PLBD1: variants seen among roughly 807,000 people sequenced by gnomAD.
PLBD1 encodes the protein phospholipase B domain containing 1.
PLBD1 carries 60 observed loss-of-function variants against 63.0 expected under a neutral mutation model. That is an observed-to-expected ratio of 0.95 (90% CI 0.77 to 1.18). The LOEUF is 1.18. Among genes scored for constraint, PLBD1 ranks in the 50% most tolerant of loss-of-function variants. PLBD1 has a pLI of 0.00. For synonymous variants in PLBD1, 262 were observed against 248.0 expected (o/e 1.06, Z -0.53); for missense variants, 598 against 677.9 (o/e 0.88, Z 1.31).
chr12:14,540,937 A>G (rs1945566708), intron 3 of PLBD1, 35 bp from the exon 4 acceptor site: 2 of 1,544,024 alleles, frequency 1.3e-6, no homozygotes, highest in Non-Finnish European at 1.8e-6. Flanking sequence ...CACAGTCTCA[A>G]TAGTTGCTCA....
intron 8 of PLBD1, among the ~76,000 whole-genome samples, chr12:14,509,371 ATC>A (rs1225861147): frequency 6.6e-6 from 1 of 151,316 alleles, no homozygotes; most frequent in Non-Finnish European, 1.5e-5. Context: ...TTTAGCAAGC[ATC>A]TCTCTCTCTT....
chr12:14,532,453 T>C (rs1485059821), intron 6 of PLBD1, among the ~76,000 whole-genome samples: 2 of 152,052 alleles, frequency 1.3e-5, no homozygotes, highest in Non-Finnish European at 2.9e-5. Flanking sequence ...GGGTAAGAGG[T>C]GGTTTTCAGT....
intron 1 of PLBD1, among the ~76,000 whole-genome samples, chr12:14,555,642 T>C (rs150254970): frequency 1.3e-5 from 2 of 152,200 alleles, no homozygotes; most frequent in Non-Finnish European, 2.9e-5. Context: ...CACACGCACA[T>C]TCGATGATCC....
intron 8 of PLBD1, among the ~76,000 whole-genome samples, chr12:14,508,653 C>T (rs1294401336): frequency 6.6e-6 from 1 of 152,076 alleles, no homozygotes; most frequent in African/African-American, 2.4e-5. Context: ...ACCTGTGGTC[C>T]CAGCTACTCG....
chr12:14,549,932 T>G lies in PLBD1; in HGVS notation c.335+3261A>C, dbSNP rs376029138. ...ATCCTCCCACCTCGGCCTCCCAAAG[T>G]GTTGGGTTTACAGGCGTGAGACACC... On this transcript the variant is annotated intron_variant, in intron 2 of 10. Coordinates refer to ENST00000240617, the MANE Select transcript of PLBD1 (RefSeq NM_024829.6). Among the ~76,000 whole-genome samples, 401 of 152,332 alleles carry G rather than the reference T, an allele frequency of 2.6e-3. 1 individual carries two copies. The highest frequency in any genetic ancestry group is 0.011 in the South Asian group (51 of 4,828).
chr12:14,506,249 G>C lies in PLBD1; in HGVS notation c.1392C>G (p.Tyr464Ter). The part of the protein sequence containing the change: ...MRYNNYKKDP[Y>*]SRGDPCNTIC... ...TGGTATTACAGGGGTCACCTCTACTGTAAGGATCCTTCTTATAATCTAGGA... is the reference window on the plus strand; with the variant it reads ...TGGTATTACAGGGGTCACCTCTACTCTAAGGATCCTTCTTATAATCTAGGA... The change falls in exon 10 of 11, where the codon TAC (tyrosine) becomes TAG (stop). Residue 464 changes from tyrosine (Y) to a stop codon, truncating the protein, a stop_gained. Coordinates refer to ENST00000240617, the MANE Select transcript of PLBD1 (RefSeq NM_024829.6). LOFTEE classifies it high-confidence loss of function. 1 of 1,610,508 alleles carries C rather than the reference G, an allele frequency of 6.2e-7. No individual in the cohort carries two copies. The highest frequency in any genetic ancestry group is 8.5e-7 in the Non-Finnish European group (1 of 1,177,464).
At chr12:14,521,254 G>T (rs7977900) in intron 6 of PLBD1, among the ~76,000 whole-genome samples, 87,899 of 151,698 alleles carry the variant, frequency 0.58, 26,071 homozygotes, top group Admixed American at 0.71. Context: ...AGCCCATGTG[G>T]TGTCCTGACG....
rs184341798 is a variant in PLBD1 at position 14,543,844 on chromosome 12, T to C, written c.336-1553A>G. On this transcript the variant is annotated intron_variant, in intron 2 of 10. Transcript: ENST00000240617. ...ACACCTTCCCTACTATTATACTTGC[T>C]AAAGTATATCCTCTAACAGTTTAAT... Among the ~76,000 whole-genome samples the C allele has an allele frequency of 3.5e-3, 540 of 152,358 alleles. 2 individuals carry two copies. The highest frequency in any genetic ancestry group is 0.012 in the African/African-American group (498 of 41,588).
At chr12:14,540,013 C>CTTATATATATATATAT in intron 4 of PLBD1, among the ~76,000 whole-genome samples, 1 of 22,778 alleles carries the variant, frequency 4.4e-5, no homozygotes, top group African/African-American at 9.8e-5. Flanking sequence ...AAGCTATGCA[C>CTTATATATATATATAT]ATATATATAT....
At chr12:14,533,681 A>C (rs1405494670) in intron 6 of PLBD1, among the ~76,000 whole-genome samples, 1 of 152,248 alleles carries the variant, frequency 6.6e-6, no homozygotes, top group Non-Finnish European at 1.5e-5. Context: ...ATGTCAGTGT[A>C]ATAGAATGTG....
chr12:14,546,504 C>T lies in PLBD1; in HGVS notation c.336-4213G>A, dbSNP rs115249862. On this transcript the variant is annotated intron_variant, in intron 2 of 10. Transcript: ENST00000240617. The stretch of plus-strand genomic sequence containing the variant: ...AGCTCCACCCAGAGTTCCAGATCCC[C>T]CACATTTTTCAGTCTATTTCAAGAT... Among the ~76,000 whole-genome samples the T allele has an allele frequency of 1.9e-3, 286 of 152,188 alleles. 1 individual carries two copies. The highest frequency in any genetic ancestry group is 6.5e-3 in the African/African-American group (269 of 41,518).
chr12:14,503,839 C>T lies in PLBD1; in HGVS notation c.1595G>A (p.Gly532Asp). Reference sequence around the variant, plus strand: ...ATCAAAGTTGTAGACCTCTGGCATGCCCTGATGTAGAGTTTTGTTGAAACG... The same window carrying T: ...ATCAAAGTTGTAGACCTCTGGCATGTCCTGATGTAGAGTTTTGTTGAAACG... ...WDRFNKTLHQ[G>D]MPEVYNFDFI... The change falls in exon 11 of 11, where the codon GGC (glycine) becomes GAC (aspartate). Residue 532 changes from glycine to aspartate, a missense_variant. Gly to Asp is a moderately conservative substitution (Grantham distance 94, BLOSUM62 -1). Transcript: ENST00000240617. 4.3e-6 allele frequency: 7 copies of T among 1,613,842 alleles called. No homozygotes were observed. The highest frequency in any genetic ancestry group is 5.9e-6 in the Non-Finnish European group (7 of 1,179,826).
intron 8 of PLBD1, among the ~76,000 whole-genome samples, chr12:14,507,329 G>C (rs1461937741): frequency 6.6e-6 from 1 of 152,170 alleles, no homozygotes; most frequent in African/African-American, 2.4e-5. Flanking sequence ...ACAGCTCTAG[G>C]TTATTTCATT....
At chr12:14,555,906 A>G (rs1335963091) in intron 1 of PLBD1, among the ~76,000 whole-genome samples, 1 of 152,172 alleles carries the variant, frequency 6.6e-6, no homozygotes, top group African/African-American at 2.4e-5. Context: ...CCCTGCTCCT[A>G]GACTAGAAGC....
At chr12:14,549,777 C>T (rs1945642184) in intron 2 of PLBD1, among the ~76,000 whole-genome samples, 1 of 152,112 alleles carries the variant, frequency 6.6e-6, no homozygotes, top group Non-Finnish European at 1.5e-5. Context: ...GAGTGATTCT[C>T]CTTCCTCAGC....
chr12:14,517,227 G>A (rs145562978), intron 6 of PLBD1, among the ~76,000 whole-genome samples: 3 of 152,226 alleles, frequency 2.0e-5, no homozygotes, highest in Non-Finnish European at 4.4e-5. Context: ...GCTCAAGGCA[G>A]CTTCAAACCC....
chr12:14,551,959 G>A (rs571184425), intron 2 of PLBD1, among the ~76,000 whole-genome samples: 44 of 152,182 alleles, frequency 2.9e-4, no homozygotes, highest in African/African-American at 8.9e-4. Context: ...ATAGTACACC[G>A]TTAAGGAGAT....
chr12:14,546,923 C>T (rs773247589), intron 2 of PLBD1, among the ~76,000 whole-genome samples: 21 of 152,034 alleles, frequency 1.4e-4, no homozygotes, highest in Admixed American at 4.6e-4. Context: ...CTCTGTCACC[C>T]AGGCTGGAGT....
intron 2 of PLBD1, among the ~76,000 whole-genome samples, 181 bp downstream of exon 2, chr12:14,553,012 G>A (rs1476916956): frequency 1.3e-5 from 2 of 152,194 alleles, no homozygotes; most frequent in Non-Finnish European, 2.9e-5. Context: ...GCAACAAAGC[G>A]AGACTGTGTC....
Sources: allele counts gnomAD v4.1 joint callset (sites outside exome capture counted in the v4.1 genomes callset), GRCh38; gene constraint gnomAD v4.1.1; transcripts MANE v1.5; gene names NCBI Gene and HGNC (gene_info 2026-07-23, HGNC 2026-07-21).